The following ATG5 variants were observed in gnomAD, a reference collection of about 807,000 sequenced individuals.
ATG5 encodes autophagy related 5, also known as autophagy protein 5.
A neutral mutation model predicts 36.5 loss-of-function variants in ATG5; 14 were observed. That is an observed-to-expected ratio of 0.38 (90% CI 0.25 to 0.60). The LOEUF (loss-of-function observed/expected upper bound fraction) is 0.60, where lower values mean the gene tolerates loss of function less well. Ranked by LOEUF, ATG5 falls within the 20% of genes least tolerant of loss-of-function variation. The pLI is 0.60. For missense variants in ATG5, 195 were observed against 326.7 expected (o/e 0.60, Z 3.11); for synonymous variants, 95 against 101.5 (o/e 0.94, Z 0.38).
intron 1 of ATG5, among the ~76,000 whole-genome samples, chr6:106,320,942 C>A (rs1367329448): frequency 6.6e-6 from 1 of 152,132 alleles, no homozygotes; most frequent in East Asian, 1.9e-4. Context: ...GAGTGCCTGA[C>A]CTAGAGAGGT....
At chr6:106,201,220 A>G (rs1776415288) in intron 7 of ATG5, among the ~76,000 whole-genome samples, 2 of 152,042 alleles carry the variant, frequency 1.3e-5, no homozygotes, top group Admixed American at 1.3e-4. Flanking sequence ...ATGGATATGA[A>G]GGGCCAATGT....
chr6:106,291,394 T>C (rs977396164), intron 4 of ATG5, among the ~76,000 whole-genome samples: 3 of 152,234 alleles, frequency 2.0e-5, no homozygotes, highest in Non-Finnish European at 2.9e-5. Flanking sequence ...CCCACAGTTT[T>C]AACCACCATT....
intron 3 of ATG5, 55 bp from the exon 4 acceptor site, chr6:106,293,161 A>C: frequency 2.1e-6 from 3 of 1,432,494 alleles, no homozygotes; most frequent in Non-Finnish European, 2.9e-6. Flanking sequence ...TATAACTACA[A>C]GGCCAAAATA....
intron 4 of ATG5, among the ~76,000 whole-genome samples, chr6:106,288,573 C>T (rs756829793): frequency 1.3e-5 from 2 of 152,160 alleles, no homozygotes; most frequent in Admixed American, 6.5e-5. Context: ...TTTGGTTCTA[C>T]AGACAATTAC....
At chr6:106,319,061 A>G (rs662114) in intron 1 of ATG5, among the ~76,000 whole-genome samples, 61,652 of 151,988 alleles carry the variant, frequency 0.41, 12,759 homozygotes, top group Admixed American at 0.51. Flanking sequence ...CTTACAGTGT[A>G]ACCTCAAGTA....
intron 6 of ATG5, among the ~76,000 whole-genome samples, chr6:106,226,706 T>C (rs1394902924): frequency 6.6e-6 from 1 of 152,194 alleles, no homozygotes; most frequent in Non-Finnish European, 1.5e-5. Flanking sequence ...CTCAACACAA[T>C]GTTGTGTGAG....
intron 6 of ATG5, among the ~76,000 whole-genome samples, chr6:106,223,838 C>G (rs1280990114): frequency 6.6e-6 from 1 of 152,226 alleles, no homozygotes; most frequent in Non-Finnish European, 1.5e-5. Context: ...CCAAGTTCTA[C>G]TGTTGGCTCT....
intron 2 of ATG5, among the ~76,000 whole-genome samples, chr6:106,312,480 T>C (rs573092697): frequency 1.8e-4 from 27 of 151,624 alleles, no homozygotes; most frequent in Admixed American, 1.7e-3. Context: ...TTGGGAATTG[T>C]CAAGATATAA....
chr6:106,240,771 G>A (rs1484875554), intron 6 of ATG5, among the ~76,000 whole-genome samples: 1 of 151,844 alleles, frequency 6.6e-6, no homozygotes, highest in East Asian at 1.9e-4. Flanking sequence ...GTTTATAATG[G>A]TAAAAACTAG....
chr6:106,287,489 A>C (rs1412333291), intron 4 of ATG5, among the ~76,000 whole-genome samples: 1 of 152,236 alleles, frequency 6.6e-6, no homozygotes. Flanking sequence ...ATCTTATTTT[A>C]CTTAACAAAT....
At chr6:106,297,349 G>GA (rs1178264431) in intron 3 of ATG5, among the ~76,000 whole-genome samples, 17 of 151,974 alleles carry the variant, frequency 1.1e-4, no homozygotes, top group Non-Finnish European at 1.8e-4. Flanking sequence ...ACATAGAAAT[G>GA]AAAAAAAGTA....
intron 1 of ATG5, among the ~76,000 whole-genome samples, chr6:106,323,303 G>A (rs1771169170): frequency 9.1e-6 from 1 of 109,478 alleles, no homozygotes; most frequent in African/African-American, 3.5e-5. Flanking sequence ...ACAGGGTCTT[G>A]CTGTCACCCA....
intron 3 of ATG5, among the ~76,000 whole-genome samples, chr6:106,302,872 T>G (rs1770275829): frequency 6.6e-6 from 1 of 151,948 alleles, no homozygotes; most frequent in African/African-American, 2.4e-5. Flanking sequence ...ATATCAAAAT[T>G]TATGGTCTAT....
rs567047806 is a variant in ATG5 at position 106,286,186 on chromosome 6, G to C, written c.316-6363C>G. On this transcript the variant is annotated intron_variant, in intron 4 of 7. Coordinates refer to ENST00000369076, the MANE Select transcript of ATG5 (RefSeq NM_004849.4). The stretch of plus-strand genomic sequence containing the variant: ...TCCTCCTTCTCTGATACCCTGCCTA[G>C]CAAGTTCCAACCACTTCAGCAGCCC... Among the ~76,000 whole-genome samples the C allele has an allele frequency of 5.9e-5, 9 of 152,258 alleles. No individual in the cohort carries two copies. In the East Asian group the frequency reaches 1.7e-3, roughly 29 times the overall value.
rs140074803 is a variant in ATG5 at position 106,196,742 on chromosome 6, T to C, written c.691+5230A>G. On this transcript the variant is annotated intron_variant, in intron 7 of 7. Coordinates refer to ENST00000369076, the MANE Select transcript of ATG5 (RefSeq NM_004849.4). ...AGTCTCAAAAAAAAAAAAAAGTAGATTGAAAGTTCTACAGTTATACAATTC... is the reference window on the plus strand; with the variant it reads ...AGTCTCAAAAAAAAAAAAAAGTAGACTGAAAGTTCTACAGTTATACAATTC... 5.4e-3 allele frequency among the ~76,000 whole-genome samples: 803 copies of C among 149,244 alleles called. 7 individuals are homozygous for C. Among genetic ancestry groups the C allele is most frequent in the Non-Finnish European group, 6.9e-3 (463 of 67,232 alleles).
chr6:106,256,436 C>A (rs913566291), intron 5 of ATG5, among the ~76,000 whole-genome samples: 1 of 152,192 alleles, frequency 6.6e-6, no homozygotes. Context: ...GGCATCTGTA[C>A]TTTTGAAAGC....
rs185342820 is a variant in ATG5, at chr6:106,229,598, G to A, written c.573+18552C>T. Among the ~76,000 whole-genome samples, 436 of 152,264 alleles carry A rather than the reference G, an allele frequency of 2.9e-3. 2 individuals carry two copies. Among genetic ancestry groups the A allele is most frequent in the Non-Finnish European group, 4.2e-3 (283 of 68,010 alleles). On this transcript the variant is annotated intron_variant, in intron 6 of 7. Coordinates refer to ENST00000369076, the MANE Select transcript of ATG5 (RefSeq NM_004849.4). Reference sequence around the variant, plus strand: ...GTGCCCTATTCCTTTAAAAGCCAGGGTAAATGTAAAACCTATAATTGATAA... The same window carrying A: ...GTGCCCTATTCCTTTAAAAGCCAGGATAAATGTAAAACCTATAATTGATAA...
chr6:106,297,717 A>AACACACACACACACACAC (rs56336702), intron 3 of ATG5, among the ~76,000 whole-genome samples: 1 of 135,452 alleles, frequency 7.4e-6, no homozygotes, highest in African/African-American at 2.7e-5. Flanking sequence ...AAATGACTTA[A>AACACACACACACACACAC]ACACACACAC....
rs1210167374 is a variant in ATG5 at position 106,308,438 on chromosome 6, C to T, written c.162G>A (p.Lys54=). ...CTTGTCTCATAACCTTCTGAAAGTG[C>T]TTTTTCACTTTGTCAGTTACCAACG... ...YLTLVTDKVK[K]HFQKVMRQED... The change falls in exon 3 of 8, where the codon AAG becomes AAA. Residue 54 remains lysine, a synonymous_variant. Transcript: ENST00000369076. The T allele has an allele frequency of 1.9e-6, 3 of 1,599,208 alleles. No individual in the cohort carries two copies. The highest frequency in any genetic ancestry group is 2.3e-5 in the South Asian group (2 of 88,412).
Sources: allele counts gnomAD v4.1 joint callset (sites outside exome capture counted in the v4.1 genomes callset), GRCh38; gene constraint gnomAD v4.1.1; transcripts MANE v1.5; gene names NCBI Gene and HGNC (gene_info 2026-07-23, HGNC 2026-07-21).